Variants in ARHGAP20 observed in about 807,000 individuals in gnomAD.
The protein encoded by ARHGAP20 is Rho GTPase activating protein 20.
ARHGAP20 carries 34 observed loss-of-function variants against 73.7 expected under a neutral mutation model. That is an observed-to-expected ratio of 0.46 (90% CI 0.35 to 0.61). ARHGAP20 has a LOEUF of 0.61. Among genes scored for constraint, ARHGAP20 ranks in the 20% least tolerant of loss-of-function variants. The pLI is 0.00. For missense variants in ARHGAP20, 1,314 were observed against 1,420.9 expected, an observed-to-expected ratio of 0.92 and a Z score of 1.21; for synonymous variants, 523 against 518.2, an observed-to-expected ratio of 1.01 and a Z score of -0.13.
At chr11:110,643,362 A>G (rs1408894179) in intron 2 of ARHGAP20, among the ~76,000 whole-genome samples, 1 of 151,932 alleles carries the variant, frequency 6.6e-6, no homozygotes, top group East Asian at 1.9e-4. Flanking sequence ...GTGACGTTAG[A>G]TTGTTAATTT....
At chr11:110,703,939 C>T (rs1327239776) in intron 1 of ARHGAP20, among the ~76,000 whole-genome samples, 4 of 152,176 alleles carry the variant, frequency 2.6e-5, no homozygotes, top group African/African-American at 9.6e-5. Flanking sequence ...AACAAAGGGG[C>T]ACCTGGCTCC....
intron 2 of ARHGAP20, among the ~76,000 whole-genome samples, chr11:110,661,139 C>T (rs1949601845): frequency 6.6e-6 from 1 of 152,108 alleles, no homozygotes; most frequent in African/African-American, 2.4e-5. Flanking sequence ...TTACTGATTC[C>T]ATCTTCTTTT....
Position 110,597,545 on chromosome 11 carries a change from G to C in ARHGAP20, c.965-5390C>G, listed in dbSNP as rs141972136. Reference sequence around the variant, plus strand: ...ACTATGTTTGCCCAGGCTAGTCCCTGCCTCGGCCTCCCAAAGTGCTGGGAT... The same window carrying C: ...ACTATGTTTGCCCAGGCTAGTCCCTCCCTCGGCCTCCCAAAGTGCTGGGAT... On this transcript the variant is annotated intron_variant, in intron 9 of 14. Transcript: ENST00000683387. 5.2e-4 allele frequency among the ~76,000 whole-genome samples: 79 copies of C among 152,166 alleles called. 1 individual carries two copies. Among genetic ancestry groups the C allele is most frequent in the African/African-American group, 1.8e-3 (76 of 41,520 alleles).
chr11:110,594,452 TTGA>T (rs1938920298), intron 9 of ARHGAP20, among the ~76,000 whole-genome samples: 1 of 152,192 alleles, frequency 6.6e-6, no homozygotes, highest in South Asian at 2.1e-4. Flanking sequence ...CACAGTGATC[TTGA>T]TGAATGCTGT....
At chr11:110,682,971 T>C (rs574460740) in intron 2 of ARHGAP20, among the ~76,000 whole-genome samples, 1 of 150,642 alleles carries the variant, frequency 6.6e-6, no homozygotes, top group South Asian at 2.1e-4. Context: ...TTCCCTGGTG[T>C]TGTCTGTCCC....
At chr11:110,708,046 G>A (rs1358792124) in intron 1 of ARHGAP20, among the ~76,000 whole-genome samples, 2 of 151,762 alleles carry the variant, frequency 1.3e-5, no homozygotes, top group African/African-American at 4.8e-5. Context: ...TCTTAAGAAA[G>A]TAAAAAGACA....
chr11:110,590,580 G>T, intron 11 of ARHGAP20, 68 bp downstream of exon 11: 1 of 1,444,642 alleles, frequency 6.9e-7, no homozygotes, highest in Non-Finnish European at 9.2e-7. Context: ...TGTTCATAAT[G>T]AAAAAGTAAA....
chr11:110,617,717 G>A (rs1948514687), intron 4 of ARHGAP20, among the ~76,000 whole-genome samples: 1 of 152,026 alleles, frequency 6.6e-6, no homozygotes, highest in African/African-American at 2.4e-5. Context: ...CCTGAATCCA[G>A]GACTCCCTTT....
In ARHGAP20 at chr11:110,581,001, C is replaced by T. The variant is rs190953225; in HGVS notation, c.1945G>A (p.Val649Ile). The T allele has an allele frequency of 2.0e-4, 327 of 1,614,146 alleles. 4 individuals carry two copies. In the East Asian group the frequency reaches 5.7e-3, roughly 28 times the overall value. The part of the protein sequence containing the change: ...FDLAHSKDED[V>I]QMKRPLESKP... ...GATTCAAGAGGCCGTTTCATTTGAACATCTTCATCTTTAGAATGGGCCAAG... is the reference window on the plus strand; with the variant it reads ...GATTCAAGAGGCCGTTTCATTTGAATATCTTCATCTTTAGAATGGGCCAAG... The change falls in exon 15 of 15, where the codon GTT (valine) becomes ATT (isoleucine). Residue 649 changes from valine (V) to isoleucine (I), a missense_variant. Coordinates refer to ENST00000683387, the MANE Select transcript of ARHGAP20 (RefSeq NM_001384657.1).
intron 2 of ARHGAP20, among the ~76,000 whole-genome samples, chr11:110,669,418 T>C (rs7117431): frequency 0.25 from 37,992 of 151,748 alleles, 4,819 homozygotes; most frequent in Middle Eastern, 0.32. Flanking sequence ...GTGCCTACCA[T>C]ACTGGATAGC....
At position 110,580,135 on chromosome 11, in the gene ARHGAP20, G is replaced by A. The variant is rs750879321; in HGVS notation, c.2811C>T (p.Ser937=). The change falls in exon 15 of 15, where the codon AGC becomes AGT. Residue 937 remains serine, a synonymous_variant. Coordinates refer to ENST00000683387, the MANE Select transcript of ARHGAP20 (RefSeq NM_001384657.1). ...LNLCPRTSYS[S]LSSPGTSPSG... Reference sequence around the variant, plus strand: ...ATGGGGAAGTGCCTGGGGAGGATAAGCTGGAATAGCTGGTCCTTGGGCAAA... The same window carrying A: ...ATGGGGAAGTGCCTGGGGAGGATAAACTGGAATAGCTGGTCCTTGGGCAAA... 4 of 1,614,218 alleles carry A rather than the reference G, an allele frequency of 2.5e-6. No individual in the cohort carries two copies. Among genetic ancestry groups the A allele is most frequent in the South Asian group, 1.1e-5 (1 of 91,080 alleles).
At chr11:110,670,463 C>T (rs1454366986) in intron 2 of ARHGAP20, among the ~76,000 whole-genome samples, 3 of 152,020 alleles carry the variant, frequency 2.0e-5, no homozygotes, top group Non-Finnish European at 4.4e-5. Flanking sequence ...CAATTCACAA[C>T]TAGGATGAAA....
In ARHGAP20 at chr11:110,706,052, G is replaced by C. The variant is rs552108575; in HGVS notation, c.105+6075C>G. 1.4e-4 allele frequency among the ~76,000 whole-genome samples: 22 copies of C among 152,220 alleles called. 1 individual carries two copies. The South Asian group carries it at 4.4e-3, about 30-fold the overall frequency. ...AATGTTTACCTAATATTTACCTAAT[G>C]GTAGCAGTGAACATAACATTCAATG... On this transcript the variant is annotated intron_variant, in intron 1 of 14. Coordinates refer to ENST00000683387, the MANE Select transcript of ARHGAP20 (RefSeq NM_001384657.1).
Position 110,581,235 on chromosome 11 carries a change from A to T in ARHGAP20, c.1721-10T>A. On this transcript the variant is annotated splice_polypyrimidine_tract_variant and intron_variant, in intron 14 of 14. Transcript: ENST00000683387. ...TGAAAGCAAGAAATATCTGTCAAAA[A>T]AATTAAACCATGATTAACATATTTA... The T allele has an allele frequency of 6.3e-7, 1 of 1,594,304 alleles. No individual in the cohort carries two copies. Among genetic ancestry groups the T allele is most frequent in the Non-Finnish European group, 8.5e-7 (1 of 1,170,542 alleles).
At chr11:110,594,951 C>A (rs7116693) in intron 9 of ARHGAP20, among the ~76,000 whole-genome samples, 79,353 of 149,970 alleles carry the variant, frequency 0.53, 23,194 homozygotes, top group African/African-American at 0.8. Context: ...CACCATGATC[C>A]AGTGGGCTTC....
chr11:110,577,592 C>G lies in ARHGAP20; in HGVS notation c.*1778G>C. On this transcript the variant is annotated 3_prime_UTR_variant, in exon 15 of 15. Transcript: ENST00000683387. ...TAAGGGAAAGGGGAGTCCCTGCTGA[C>G]TTTATATATTATACCAAAAAAGATG... 2.0e-6 allele frequency: 2 copies of G among 986,652 alleles called. No individual in the cohort carries two copies. The highest frequency in any genetic ancestry group is 2.4e-6 in the Non-Finnish European group (2 of 830,588). 61.1% of individuals were successfully genotyped at this position (986,652 alleles called of 1,614,324 possible).
intron 2 of ARHGAP20, among the ~76,000 whole-genome samples, chr11:110,675,744 A>T (rs1348668763): frequency 2.0e-5 from 3 of 152,114 alleles, no homozygotes; most frequent in African/African-American, 7.2e-5. Flanking sequence ...GGGACTGGGG[A>T]TCCCTGTGCT....
intron 5 of ARHGAP20, among the ~76,000 whole-genome samples, chr11:110,615,283 G>A (rs1268086683): frequency 6.6e-6 from 1 of 152,228 alleles, no homozygotes; most frequent in African/African-American, 2.4e-5. Context: ...TGGAAAGAGA[G>A]AGGAGATTAT....
intron 3 of ARHGAP20, among the ~76,000 whole-genome samples, chr11:110,628,563 A>G (rs934406186): frequency 9.9e-5 from 15 of 152,154 alleles, no homozygotes; most frequent in African/African-American, 2.9e-4. Flanking sequence ...TCTATGTTCT[A>G]TCTCAGGGGT....
Sources: gnomAD v4.1 joint callset for allele counts (sites outside exome capture counted in the v4.1 genomes callset) on GRCh38, gnomAD v4.1.1 for gene constraint, MANE v1.5 for transcripts, NCBI Gene and HGNC (gene_info 2026-07-23, HGNC 2026-07-21) for gene names.